The following TTC28 variants were observed in gnomAD, a reference collection of about 807,000 sequenced individuals.
TTC28 encodes tetratricopeptide repeat domain 28.
A neutral mutation model predicts 198.0 loss-of-function variants in TTC28; 61 were observed. The ratio of observed to expected loss-of-function variants is 0.31; its 90% CI spans 0.25 to 0.38. The LOEUF is 0.38. Among genes scored for constraint, TTC28 ranks in the 10% least tolerant of loss-of-function variants. The pLI is 1.00. For synonymous variants in TTC28, 1,171 were observed against 1,297.8 expected, an observed-to-expected ratio of 0.90 and a Z score of 2.10; for missense variants, 2,678 against 3,164.0, an observed-to-expected ratio of 0.85 and a Z score of 3.69.
At chr22:28,024,795 A>T (rs1355886264) in intron 13 of TTC28, among the ~76,000 whole-genome samples, 1 of 152,254 alleles carries the variant, frequency 6.6e-6, no homozygotes, top group Non-Finnish European at 1.5e-5. Context: ...GACTGGAACC[A>T]GCAGCTGCAA....
intron 12 of TTC28, among the ~76,000 whole-genome samples, chr22:28,049,905 G>A (rs995756953): frequency 6.6e-6 from 1 of 152,052 alleles, no homozygotes; most frequent in African/African-American, 2.4e-5. Flanking sequence ...CTTCCACTGG[G>A]CCTCTGAAAC....
chr22:28,439,644 T>C (rs963793475), intron 2 of TTC28, among the ~76,000 whole-genome samples: 3 of 152,186 alleles, frequency 2.0e-5, no homozygotes, highest in Admixed American at 6.5e-5. Context: ...ACCACCTCAC[T>C]GGATAAGAAT....
chr22:28,260,543 CA>C (rs1017295187), intron 5 of TTC28, among the ~76,000 whole-genome samples: 1 of 151,890 alleles, frequency 6.6e-6, no homozygotes, highest in African/African-American at 2.4e-5. Context: ...TTTTGAAAGA[CA>C]AAAAATAGAA....
At chr22:28,215,308 G>A (rs1390228284) in intron 5 of TTC28, among the ~76,000 whole-genome samples, 1 of 152,058 alleles carries the variant, frequency 6.6e-6, no homozygotes, top group Non-Finnish European at 1.5e-5. Context: ...AAGAAGACTG[G>A]ATCAGATGGT....
chr22:28,160,185 G>C (rs972483976), intron 6 of TTC28, among the ~76,000 whole-genome samples: 1 of 152,094 alleles, frequency 6.6e-6, no homozygotes, highest in Admixed American at 6.6e-5. Context: ...AAACTTAATT[G>C]TACATTTGAA....
intron 5 of TTC28, among the ~76,000 whole-genome samples, chr22:28,277,523 G>C (rs1264391249): frequency 6.6e-6 from 1 of 152,080 alleles, no homozygotes; most frequent in Non-Finnish European, 1.5e-5. Context: ...CTCAGTGATG[G>C]TTTTACAAAA....
chr22:28,383,214 T>G (rs1330630218), intron 2 of TTC28, among the ~76,000 whole-genome samples: 2 of 152,222 alleles, frequency 1.3e-5, no homozygotes, highest in African/African-American at 4.8e-5. Context: ...CTTTCTTTCT[T>G]AATATTGGAG....
intron 2 of TTC28, among the ~76,000 whole-genome samples, chr22:28,331,373 T>C (rs2045614135): frequency 1.3e-5 from 2 of 152,128 alleles, no homozygotes; most frequent in Admixed American, 1.3e-4. Context: ...GTTAGGAATA[T>C]GCTCCACAGC....
chr22:28,501,229 T>C (rs2048534113), intron 2 of TTC28, among the ~76,000 whole-genome samples: 1 of 152,142 alleles, frequency 6.6e-6, no homozygotes, highest in Admixed American at 6.5e-5. Flanking sequence ...CAAACATTTA[T>C]TGAGCACTAT....
rs573269908 is a variant in TTC28, at chr22:28,209,855, C to A, written c.934-46256G>T. ...ACTGCCTCCTCAAGTGGGTTCCTAA[C>A]CCCTGAGTAGTCTAACTGAGAGACA... On this transcript the variant is annotated intron_variant, in intron 5 of 22. Transcript: ENST00000397906. 4.6e-5 allele frequency among the ~76,000 whole-genome samples: 7 copies of A among 152,320 alleles called. No individual in the cohort carries two copies. The East Asian group carries it at 1.2e-3, about 25-fold the overall frequency.
intron 2 of TTC28, among the ~76,000 whole-genome samples, chr22:28,606,999 C>G (rs952356562): frequency 6.6e-6 from 1 of 152,138 alleles, no homozygotes; most frequent in African/African-American, 2.4e-5. Flanking sequence ...AACTCTCTGA[C>G]CTTCCTCTGA....
At position 28,024,198 on chromosome 22, in the gene TTC28, G is replaced by A. The variant is rs1938728225; in HGVS notation, c.4073+6028C>T. ...GGTGACAAATGCAAGGTGCATGGTT[G>A]TGGCTCCCTACCCGCAGATAAAGCA... is the stretch of plus-strand genomic sequence containing the variant. On this transcript the variant is annotated intron_variant, in intron 13 of 22. Coordinates refer to ENST00000397906, the MANE Select transcript of TTC28 (RefSeq NM_001145418.2). Among the ~76,000 whole-genome samples, 5 of 152,158 alleles carry A rather than the reference G, an allele frequency of 3.3e-5. No individual in the cohort carries two copies. In the South Asian group the frequency reaches 1.0e-3, roughly 32 times the overall value.
At chr22:28,074,277 A>T (rs971293980) in intron 12 of TTC28, among the ~76,000 whole-genome samples, 2 of 152,246 alleles carry the variant, frequency 1.3e-5, no homozygotes, top group African/African-American at 4.8e-5. Context: ...AAAGTGCAAG[A>T]TATACAAAGT....
intron 6 of TTC28, among the ~76,000 whole-genome samples, chr22:28,149,520 T>A (rs1291194836): frequency 6.6e-6 from 1 of 152,242 alleles, no homozygotes; most frequent in Non-Finnish European, 1.5e-5. Flanking sequence ...AAATACTATG[T>A]GATATATGTG....
chr22:28,505,241 A>G (rs1401034468), intron 2 of TTC28, among the ~76,000 whole-genome samples: 1 of 133,140 alleles, frequency 7.5e-6, no homozygotes, highest in Non-Finnish European at 1.5e-5. Context: ...TGGGCAACAG[A>G]GCGAGACTCC....
intron 2 of TTC28, among the ~76,000 whole-genome samples, chr22:28,432,717 GACAA>G (rs745421359): frequency 6.6e-6 from 1 of 152,190 alleles, no homozygotes; most frequent in Non-Finnish European, 1.5e-5. Flanking sequence ...TGTGTAAACT[GACAA>G]ACTACTTACT....
At chr22:28,210,883 G>A (rs1274217871) in intron 5 of TTC28, among the ~76,000 whole-genome samples, 1 of 152,170 alleles carries the variant, frequency 6.6e-6, no homozygotes, top group Non-Finnish European at 1.5e-5. Flanking sequence ...AGGGCAGCCA[G>A]AGAGAAAGGT....
chr22:28,278,217 A>G (rs554392030), intron 5 of TTC28, among the ~76,000 whole-genome samples: 3 of 152,124 alleles, frequency 2.0e-5, no homozygotes, highest in Non-Finnish European at 4.4e-5. Flanking sequence ...CTACATAAAA[A>G]TCCACTCCTG....
At chr22:28,527,339 C>T (rs1323315679) in intron 2 of TTC28, among the ~76,000 whole-genome samples, 1 of 152,146 alleles carries the variant, frequency 6.6e-6, no homozygotes, top group African/African-American at 2.4e-5. Flanking sequence ...GAAATGAACA[C>T]CACATACTCC....
Sources: allele counts gnomAD v4.1 joint callset (sites outside exome capture counted in the v4.1 genomes callset), GRCh38; gene constraint gnomAD v4.1.1; transcripts MANE v1.5; gene names NCBI Gene and HGNC (gene_info 2026-07-23, HGNC 2026-07-21).